DTD1: variants seen among roughly 807,000 people sequenced by gnomAD.
DTD1 encodes the protein D-aminoacyl-tRNA deacylase 1, also known as D-tyrosyl-tRNA deacylase 1 homolog.
DTD1 carries 13 observed loss-of-function variants against 25.6 expected under a neutral mutation model. The ratio of observed to expected loss-of-function variants is 0.51; its 90% CI spans 0.33 to 0.81. The LOEUF (loss-of-function observed/expected upper bound fraction) is 0.81. DTD1 is among the 30% of genes least tolerant of loss of function. The pLI is 0.02. For synonymous variants in DTD1, 110 were observed against 103.6 expected (o/e 1.06, Z -0.37); for missense variants, 193 against 266.4 (o/e 0.72, Z 1.92).
chr20:18,745,821 C>T (rs188901528), intron 5 of DTD1, among the ~76,000 whole-genome samples: 8 of 152,076 alleles, frequency 5.3e-5, no homozygotes, highest in African/African-American at 1.7e-4. Context: ...TATCCTGGGG[C>T]GGGAGGGACC....
chr20:18,652,937 G>A (rs577669719), intron 4 of DTD1, among the ~76,000 whole-genome samples: 1 of 152,286 alleles, frequency 6.6e-6, no homozygotes, highest in Non-Finnish European at 1.5e-5. Context: ...ATGGCACTGG[G>A]GAATAGAGGA....
In DTD1 at chr20:18,594,188, C is replaced by T. The variant is rs188842829; in HGVS notation, c.134+367C>T. ...TGTATTTTTAGAATGTCTACTAGCT[C>T]GCTGTGCACATAGGGATCTAGAACT... On this transcript the variant is annotated intron_variant, in intron 2 of 5. Coordinates refer to ENST00000377452, the MANE Select transcript of DTD1 (RefSeq NM_080820.6). Among the ~76,000 whole-genome samples the T allele has an allele frequency of 1.4e-3, 212 of 152,250 alleles. 1 individual carries two copies. The highest frequency in any genetic ancestry group is 4.7e-3 in the African/African-American group (196 of 41,564).
At chr20:18,704,240 T>A (rs2061116987) in intron 4 of DTD1, among the ~76,000 whole-genome samples, 1 of 152,164 alleles carries the variant, frequency 6.6e-6, no homozygotes, top group Admixed American at 6.5e-5. Flanking sequence ...GAGCTCGTGA[T>A]CCTCCCACCT....
chr20:18,736,670 C>G (rs1433900942), intron 4 of DTD1, among the ~76,000 whole-genome samples: 2 of 152,240 alleles, frequency 1.3e-5, no homozygotes, highest in African/African-American at 4.8e-5. Flanking sequence ...CCAAGAGCCT[C>G]TGTTTTTTTC....
chr20:18,593,638 G>A, intron 1 of DTD1, 93 bp from the exon 2 acceptor site: 1 of 829,110 alleles, frequency 1.2e-6, no homozygotes, highest in Non-Finnish European at 2.1e-6. Flanking sequence ...TAAGAAGTAT[G>A]TATGATGTTT....
chr20:18,688,097 A>G (rs1369998952), intron 4 of DTD1, among the ~76,000 whole-genome samples: 2 of 152,340 alleles, frequency 1.3e-5, no homozygotes, highest in East Asian at 1.9e-4. Context: ...AATAAAACCC[A>G]TGCATGGTCC....
chr20:18,601,346 A>G (rs1191725186), intron 3 of DTD1, among the ~76,000 whole-genome samples: 5 of 152,070 alleles, frequency 3.3e-5, no homozygotes, highest in Non-Finnish European at 7.4e-5. Flanking sequence ...GAAAAATACA[A>G]AAATTAGCCA....
chr20:18,720,685 C>T (rs1307986912), intron 4 of DTD1, among the ~76,000 whole-genome samples: 2 of 151,880 alleles, frequency 1.3e-5, no homozygotes, highest in African/African-American at 4.8e-5. Flanking sequence ...CAAAATCCCT[C>T]TCTACAAAAA....
chr20:18,696,964 G>A (rs1012953081), intron 4 of DTD1, among the ~76,000 whole-genome samples: 12 of 151,948 alleles, frequency 7.9e-5, no homozygotes, highest in Non-Finnish European at 1.6e-4. Flanking sequence ...CAGGTGCAGT[G>A]GCTCATGCCT....
At chr20:18,690,674 G>A (rs1791065660) in intron 4 of DTD1, among the ~76,000 whole-genome samples, 1 of 152,010 alleles carries the variant, frequency 6.6e-6, no homozygotes, top group African/African-American at 2.4e-5. Context: ...CTTATTTGTG[G>A]GTTCTGTATT....
chr20:18,628,317 G>A, intron 4 of DTD1, 84 bp downstream of exon 4: 1 of 1,017,936 alleles, frequency 9.8e-7, no homozygotes, highest in Non-Finnish European at 1.5e-6. Context: ...TCGGTCTGAG[G>A]AAATACATCA....
chr20:18,688,648 C>T (rs536195714), intron 4 of DTD1, among the ~76,000 whole-genome samples: 4 of 152,188 alleles, frequency 2.6e-5, no homozygotes, highest in Admixed American at 6.5e-5. Context: ...TTGCCGGGAA[C>T]GACCCATCTT....
At chr20:18,742,796 C>T (rs1327983649) in intron 4 of DTD1, among the ~76,000 whole-genome samples, 1 of 152,172 alleles carries the variant, frequency 6.6e-6, no homozygotes, top group African/African-American at 2.4e-5. Flanking sequence ...GAAGGGTTAA[C>T]TCAAAGTCTG....
chr20:18,684,285 A>G (rs577278479), intron 4 of DTD1, among the ~76,000 whole-genome samples: 6 of 152,006 alleles, frequency 3.9e-5, no homozygotes, highest in African/African-American at 1.4e-4. Flanking sequence ...GCAGTTCACC[A>G]AATGACTTTT....
At chr20:18,715,424 C>A (rs2061176134) in intron 4 of DTD1, among the ~76,000 whole-genome samples, 1 of 152,128 alleles carries the variant, frequency 6.6e-6, no homozygotes, top group South Asian at 2.1e-4. Flanking sequence ...TGTAAGCTCC[C>A]TGTCCTGCAG....
chr20:18,631,651 C>G, intron 4 of DTD1: 1 of 985,452 alleles, frequency 1.0e-6, no homozygotes, highest in Non-Finnish European at 1.2e-6. Context: ...TTTCTTGCCA[C>G]TGCTGCCCAC....
intron 4 of DTD1, among the ~76,000 whole-genome samples, chr20:18,712,936 T>A (rs548534170): frequency 1.4e-4 from 21 of 152,370 alleles, no homozygotes; most frequent in African/African-American, 4.8e-4. Context: ...AAGGCTCTCA[T>A]GGTTTGACTG....
At chr20:18,637,633 C>T (rs747882710) in intron 4 of DTD1, among the ~76,000 whole-genome samples, 5 of 152,110 alleles carry the variant, frequency 3.3e-5, no homozygotes, top group Non-Finnish European at 5.9e-5. Flanking sequence ...GAATAAAAAC[C>T]CAGGGTGATC....
chr20:18,651,235 T>C (rs559334204), intron 4 of DTD1, among the ~76,000 whole-genome samples: 2 of 152,370 alleles, frequency 1.3e-5, no homozygotes, highest in East Asian at 3.9e-4. Context: ...CACTGCAACC[T>C]CTGCCTCCCG....
Sources: allele counts gnomAD v4.1 joint callset (sites outside exome capture counted in the v4.1 genomes callset), GRCh38; gene constraint gnomAD v4.1.1; transcripts MANE v1.5; gene names NCBI Gene and HGNC (gene_info 2026-07-23, HGNC 2026-07-21).